CATSPERZ: variants seen among roughly 807,000 people sequenced by gnomAD.
CATSPERZ encodes the protein catsper channel auxiliary subunit zeta.
In CATSPERZ, 21 loss-of-function variants were observed where a neutral mutation model predicts 21.7. That is an observed-to-expected ratio of 0.97 (90% CI 0.69 to 1.39). CATSPERZ has a LOEUF of 1.39. Among genes scored for constraint, CATSPERZ ranks in the 40% most tolerant of loss-of-function variants. CATSPERZ has a pLI of 0.00. For synonymous variants in CATSPERZ, 127 were observed against 108.7 expected (o/e 1.17, Z -1.05); for missense variants, 234 against 259.5 (o/e 0.90, Z 0.68).
Position 64,300,825 on chromosome 11 carries a change from G to A in CATSPERZ, c.190G>A (p.Gly64Arg). 3 of 1,561,162 alleles carry A rather than the reference G, an allele frequency of 1.9e-6. No homozygotes were observed. The East Asian group carries it at 7.2e-5, about 38-fold the overall frequency. ...EEGRNISKTR[G>R]WHSPGRGSLD... ...GGGCCGCAACATTAGCAAGACCCGC[G>A]GGTGGCACAGCCCGGGGCGGGGCTC... The change falls in exon 2 of 5, where the codon GGG becomes AGG. Residue 64 changes from glycine to arginine, a missense_variant. Coordinates refer to ENST00000328404, the MANE Select transcript of CATSPERZ (RefSeq NM_001039496.2).
chr11:64,304,718 AC>A lies in CATSPERZ; in HGVS notation c.*76del. 2 of 1,285,166 alleles carry A rather than the reference AC, an allele frequency of 1.6e-6. No homozygotes were observed. The highest frequency in any genetic ancestry group is 2.2e-6 in the Non-Finnish European group (2 of 919,732). The allele number at this position is 1,285,166 out of a possible 1,614,324, so 79.6% of individuals were successfully genotyped here. A position where few individuals can be genotyped will look rare whatever the true frequency, so the allele number is the denominator to read the frequency against. ...AGCCCGGTCCCCAGACCCAAGCCTG[AC>A]CCCATCCGAGTGGAATTTGAGTCCT... On this transcript the variant is annotated 3_prime_UTR_variant, in exon 5 of 5. Coordinates refer to ENST00000328404, the MANE Select transcript of CATSPERZ (RefSeq NM_001039496.2).
intron 2 of CATSPERZ, 100 bp downstream of exon 2, chr11:64,301,087 C>A: frequency 8.5e-7 from 1 of 1,182,116 alleles, no homozygotes; most frequent in Non-Finnish European, 1.2e-6. Flanking sequence ...TGATGGGATC[C>A]AAGTTTCTAG....
In CATSPERZ at chr11:64,304,588, T is replaced by C; in HGVS notation, c.545T>C (p.Leu182Pro). The change falls in exon 5 of 5, where the codon CTG becomes CCG. Residue 182 changes from leucine to proline, a missense_variant. Physicochemically the swap from Leu to Pro is moderately conservative, Grantham distance 98. Transcript: ENST00000328404. ...IGRDHFLTKE[L>P]QRYIEGLKKR... is the part of the protein sequence containing the mutation. ...AGGGACCACTTCCTGACTAAGGAGC[T>C]GCAGCGATACATCGAAGGGCTCAAG... 6.3e-7 allele frequency: 1 copy of C among 1,588,198 alleles called. No homozygotes were observed.
intron 4 of CATSPERZ, among the ~76,000 whole-genome samples, chr11:64,304,331 C>T (rs2034979820): frequency 6.6e-6 from 1 of 152,310 alleles, no homozygotes; most frequent in East Asian, 1.9e-4. Flanking sequence ...AGGCCTGCAA[C>T]CTCTTCCCTA....
intron 2 of CATSPERZ, among the ~76,000 whole-genome samples, chr11:64,301,357 G>C (rs190507517): frequency 2.6e-5 from 4 of 151,230 alleles, no homozygotes; most frequent in African/African-American, 9.7e-5. Context: ...GTGCAGTGGT[G>C]CGATTATAGC....
At chr11:64,301,137 T>C (rs1329924809) in intron 2 of CATSPERZ, 150 bp downstream of exon 2, 4 of 845,688 alleles carry the variant, frequency 4.7e-6, no homozygotes, top group South Asian at 3.9e-5. Context: ...CTTTCGCCCT[T>C]TAAATCCGCC....
At chr11:64,303,641 G>GT in intron 3 of CATSPERZ, 80 bp downstream of exon 3, 1 of 1,502,238 alleles carries the variant, frequency 6.7e-7, no homozygotes, top group Admixed American at 2.0e-5. Context: ...ATGAAAGTTG[G>GT]GGGTGGTTGG....
In CATSPERZ at chr11:64,304,659, G is replaced by T. The variant is rs2034988392; in HGVS notation, c.*13G>T. ...GTACGTGAATTAAAAACGCCACCTTGGGCTCGAGCAGCGACCCGAACCAGC... is the reference window on the plus strand; with the variant it reads ...GTACGTGAATTAAAAACGCCACCTTTGGCTCGAGCAGCGACCCGAACCAGC... On this transcript the variant is annotated 3_prime_UTR_variant, in exon 5 of 5. Coordinates refer to ENST00000328404, the MANE Select transcript of CATSPERZ (RefSeq NM_001039496.2). The T allele has an allele frequency of 6.4e-7, 1 of 1,556,488 alleles. No homozygotes were observed. The highest frequency in any genetic ancestry group is 1.2e-5 in the South Asian group (1 of 84,472).
At chr11:64,301,718 G>A (rs2034930257) in intron 2 of CATSPERZ, among the ~76,000 whole-genome samples, 1 of 152,046 alleles carries the variant, frequency 6.6e-6, no homozygotes, top group Non-Finnish European at 1.5e-5. Context: ...CCAGGCTGGA[G>A]TGCAGTGTTG....
rs991035957 is a variant in CATSPERZ, at chr11:64,303,490, T to A, written c.361T>A (p.Ser121Thr). ...TTTTTCTCTTCTCCCAGAAAAGTCT[T>A]CCTCAATGTCATCACTCAATATTGC... ...TASQIEAEKS[S>T]SMSSLNIAKH... The change falls in exon 3 of 5, where the codon TCC becomes ACC. Residue 121 changes from serine (S) to threonine (T), a missense_variant. By Grantham distance (58) the Ser-to-Thr change is moderately conservative. Transcript: ENST00000328404. 6.2e-7 allele frequency: 1 copy of A among 1,612,770 alleles called. No individual in the cohort carries two copies. Among genetic ancestry groups the A allele is most frequent in the African/African-American group, 1.3e-5 (1 of 74,922 alleles).
intron 3 of CATSPERZ, 102 bp downstream of exon 3, chr11:64,303,663 G>C: frequency 1.4e-6 from 2 of 1,470,430 alleles, no homozygotes; most frequent in African/African-American, 2.8e-5. Context: ...AGGGTGGAGG[G>C]GCAGGCAGGC....
At chr11:64,303,128 T>C (rs1377216758) in intron 2 of CATSPERZ, among the ~76,000 whole-genome samples, 3 of 152,090 alleles carry the variant, frequency 2.0e-5, no homozygotes, top group Non-Finnish European at 4.4e-5. Context: ...CTCGAACTCC[T>C]GACCTTGTGA....
chr11:64,303,674 T>A, intron 3 of CATSPERZ, 99 bp from the exon 4 acceptor site: 1 of 1,004,364 alleles, frequency 1.0e-6, no homozygotes, highest in Non-Finnish European at 1.3e-6. Flanking sequence ...GCAGGCAGGC[T>A]GGTTGGGGGT....
At position 64,300,964 on chromosome 11, in the gene CATSPERZ, A is replaced by C. The variant is rs1484867847; in HGVS notation, c.329A>C (p.Asp110Ala). ...ATGGAAATCAATCTGGGGGAGAAGG[A>C]CACTGCATCCCAGATCGAGGCCGGT... ...SSMEINLGEK[D>A]TASQIEAEKS... Residue 110 changes from aspartate (D) to alanine (A), a missense_variant, in exon 2 of 5, where the codon GAC (aspartate) becomes GCC (alanine). Physicochemically the swap from Asp to Ala is moderately radical, Grantham distance 126. Transcript: ENST00000328404. The C allele has an allele frequency of 1.3e-6, 2 of 1,567,664 alleles. No individual in the cohort carries two copies. The highest frequency in any genetic ancestry group is 8.6e-7 in the Non-Finnish European group (1 of 1,156,274).
chr11:64,300,968 T>C lies in CATSPERZ; in HGVS notation c.333T>C (p.Thr111=), dbSNP rs372735141. ...SMEINLGEKD[T]ASQIEAEKSS... ...AAATCAATCTGGGGGAGAAGGACAC[T>C]GCATCCCAGATCGAGGCCGGTCAGT... Residue 111 remains threonine, a synonymous_variant, in exon 2 of 5, where the codon ACT becomes ACC. Transcript: ENST00000328404. 132 of 1,560,576 alleles carry C rather than the reference T, an allele frequency of 8.5e-5. No homozygotes were observed. Among genetic ancestry groups the C allele is most frequent in the Non-Finnish European group, 1.1e-4 (121 of 1,151,480 alleles).
chr11:64,301,857 G>A (rs1448796943), intron 2 of CATSPERZ, among the ~76,000 whole-genome samples: 1 of 152,088 alleles, frequency 6.6e-6, no homozygotes, highest in Non-Finnish European at 1.5e-5. Context: ...ATTTTTTGTA[G>A]AGAAAATTTC....
In CATSPERZ at chr11:64,300,448, G is replaced by T. The variant is rs1451892631; in HGVS notation, c.21+17G>T. The T allele has an allele frequency of 1.3e-6, 2 of 1,532,042 alleles. No individual in the cohort carries two copies. The allele number at this position is 1,532,042 out of a possible 1,614,324, so 94.9% of individuals were successfully genotyped here. On this transcript the variant is annotated intron_variant, in intron 1 of 4. Coordinates refer to ENST00000328404, the MANE Select transcript of CATSPERZ (RefSeq NM_001039496.2). Reference sequence around the variant, plus strand: ...CCTTCGAAAGTAAGACGTCTCCCTAGGCCCCTTACCCTGTCCGCTCCAACC... The same window carrying T: ...CCTTCGAAAGTAAGACGTCTCCCTATGCCCCTTACCCTGTCCGCTCCAACC...
At position 64,303,485 on chromosome 11, in the gene CATSPERZ, A is replaced by C; in HGVS notation, c.356A>C (p.Lys119Thr). 6.2e-7 allele frequency: 1 copy of C among 1,612,574 alleles called. No individual in the cohort carries two copies. The highest frequency in any genetic ancestry group is 1.1e-5 in the South Asian group (1 of 90,770). The change falls in exon 3 of 5, where the codon AAG becomes ACG. Residue 119 changes from lysine (K) to threonine (T), a missense_variant. Transcript: ENST00000328404. ...KDTASQIEAEKSSSMSSLNIA... is the reference protein window; with the variant it reads ...KDTASQIEAETSSSMSSLNIA... ...ACCCTTTTTTCTCTTCTCCCAGAAA[A>C]GTCTTCCTCAATGTCATCACTCAAT...
In CATSPERZ at chr11:64,303,775, G is replaced by C; in HGVS notation, c.435G>C (p.Leu145=). ...TAAGCCTCTTGCTGCTTCTCCAGCTGCCACTGCCCCTGATGGAACTCATGG... is the reference window on the plus strand; with the variant it reads ...TAAGCCTCTTGCTGCTTCTCCAGCTCCCACTGCCCCTGATGGAACTCATGG... ...RAYWAEQQSR[L]PLPLMELMEN... is the part of the protein sequence containing the mutation. The change falls in exon 4 of 5, where the codon CTG becomes CTC. Residue 145 remains leucine, a splice_region_variant and synonymous_variant. Coordinates refer to ENST00000328404, the MANE Select transcript of CATSPERZ (RefSeq NM_001039496.2). 6.3e-7 allele frequency: 1 copy of C among 1,599,032 alleles called. No individual in the cohort carries two copies. The highest frequency in any genetic ancestry group is 8.5e-7 in the Non-Finnish European group (1 of 1,173,058).
Sources: allele counts gnomAD v4.1 joint callset (sites outside exome capture counted in the v4.1 genomes callset), GRCh38; gene constraint gnomAD v4.1.1; transcripts MANE v1.5; gene names NCBI Gene and HGNC (gene_info 2026-07-23, HGNC 2026-07-21).